SCN1A: variants seen among roughly 807,000 people sequenced by gnomAD.
SCN1A encodes sodium channel protein type 1 subunit alpha.
In SCN1A, 13 loss-of-function variants were observed where a neutral mutation model predicts 193.7. The observed-to-expected ratio is 0.07, with a 90% CI of 0.04 to 0.11. SCN1A has a LOEUF of 0.11. Among genes scored for constraint, SCN1A ranks in the 10% least tolerant of loss-of-function variants. SCN1A has a pLI of 1.00. For missense variants in SCN1A, 1,432 were observed against 2,451.1 expected, an observed-to-expected ratio of 0.58 and a Z score of 8.78; for synonymous variants, 781 against 843.6, an observed-to-expected ratio of 0.93 and a Z score of 1.29.
chr2:166,103,057 T>A (rs190970551), intron 2 of SCN1A, among the ~76,000 whole-genome samples: 1 of 146,020 alleles, frequency 6.8e-6, no homozygotes, highest in Non-Finnish European at 1.5e-5. Flanking sequence ...AGCCTGACTT[T>A]AGATTTGGGA....
chr2:165,991,643 C>G lies in SCN1A; in HGVS notation c.5632G>C (p.Glu1878Gln), dbSNP rs148703212. Residue 1878 changes from glutamate to glutamine, a missense_variant, in exon 29 of 29, where the codon GAG (glutamate) becomes CAG (glutamine). Coordinates refer to ENST00000674923, the MANE Select transcript of SCN1A (RefSeq NM_001165963.4). The stretch of plus-strand genomic sequence containing the variant: ...CGTAGAGCATCCATCTCTCCACTCT[C>G]TCCTAGAACCCGCTTTGTAAAAGCA... ...LFAFTKRVLG[E>Q]SGEMDALRIQ... The G allele has an allele frequency of 5.8e-5, 94 of 1,613,848 alleles. No individual in the cohort carries two copies. The highest frequency in any genetic ancestry group is 8.0e-5 in the Non-Finnish European group (94 of 1,179,942).
chr2:166,073,719 T>A, intron 3 of SCN1A, 49 bp from the exon 4 acceptor site: 1 of 1,269,164 alleles, frequency 7.9e-7, no homozygotes, highest in Non-Finnish European at 1.1e-6. Flanking sequence ...TAAGAGATGT[T>A]AATATAAATA....
In SCN1A at chr2:165,989,714, G is replaced by A. The variant is rs961461886; in HGVS notation, c.*1531C>T. 3.3e-4 allele frequency: 50 copies of A among 152,454 alleles called. No individual in the cohort carries two copies. Among genetic ancestry groups the A allele is most frequent in the Non-Finnish European group, 1.5e-5 (1 of 68,006 alleles). 9.4% of individuals were successfully genotyped at this position (152,454 alleles called of 1,614,324 possible). A position where few individuals can be genotyped will look rare whatever the true frequency, so the allele number is the denominator to read the frequency against. On this transcript the variant is annotated 3_prime_UTR_variant, in exon 29 of 29. Coordinates refer to ENST00000674923, the MANE Select transcript of SCN1A (RefSeq NM_001165963.4). ...AATTTCTTTCATGAAAAAGTACTAT[G>A]GACAGAAAGTAAGAAAAGTGATTGT... is the stretch of plus-strand genomic sequence containing the variant.
intron 13 of SCN1A, among the ~76,000 whole-genome samples, chr2:166,044,440 T>A (rs1697552528): frequency 2.0e-5 from 3 of 152,190 alleles, no homozygotes; most frequent in Non-Finnish European, 2.9e-5. Flanking sequence ...TTTTTATGGA[T>A]CTTGTCTTTC....
chr2:166,089,557 C>CT lies in SCN1A; in HGVS notation c.-141-11757dup, dbSNP rs553642066. On this transcript the variant is annotated intron_variant, in intron 2 of 28. Coordinates refer to ENST00000674923, the MANE Select transcript of SCN1A (RefSeq NM_001165963.4). ...CAATCAGAGAGAGGGCGTAAGAGTT[C>CT]TTTTTTTGGTTGACTAGGTAGGGGA... Among the ~76,000 whole-genome samples, 698 of 151,868 alleles carry CT rather than the reference C, an allele frequency of 4.6e-3. 4 individuals carry two copies. The highest frequency in any genetic ancestry group is 7.8e-3 in the Non-Finnish European group (527 of 67,954).
chr2:166,098,627 A>G (rs556649298), intron 2 of SCN1A, among the ~76,000 whole-genome samples: 2 of 152,296 alleles, frequency 1.3e-5, no homozygotes, highest in East Asian at 1.9e-4. Flanking sequence ...TCTCTTCCCA[A>G]AGGCTCCTAG....
At chr2:166,145,176 G>C (rs1169838857) in intron 1 of SCN1A, among the ~76,000 whole-genome samples, 2 of 20,802 alleles carry the variant, frequency 9.6e-5, no homozygotes. Context: ...TTTTTTTTGT[G>C]GGGGACAGAG....
intron 2 of SCN1A, among the ~76,000 whole-genome samples, chr2:166,078,624 C>T (rs1199414715): frequency 6.6e-6 from 1 of 151,516 alleles, no homozygotes; most frequent in African/African-American, 2.4e-5. Context: ...TTTTTAAAAG[C>T]TTTGAATAAA....
chr2:166,045,622 A>T (rs1697745569), intron 12 of SCN1A, among the ~76,000 whole-genome samples: 1 of 152,146 alleles, frequency 6.6e-6, no homozygotes, highest in Admixed American at 6.6e-5. Context: ...TAAATTCATT[A>T]CTTTTTGGGA....
intron 15 of SCN1A, 28 bp from the exon 16 acceptor site, chr2:166,041,497 C>T (rs1033536931): frequency 1.6e-6 from 2 of 1,280,032 alleles, no homozygotes; most frequent in Non-Finnish European, 2.2e-6. Context: ...AAAAAAAGAA[C>T]CACCAAAAGG....
chr2:166,003,524 C>CT (rs1301777641), intron 23 of SCN1A, among the ~76,000 whole-genome samples: 2,640 of 146,082 alleles, frequency 0.018, 72 homozygotes, highest in African/African-American at 0.058. Flanking sequence ...TTATTATCTA[C>CT]TTTTTTTTTT....
At chr2:166,098,208 G>C (rs977732918) in intron 2 of SCN1A, among the ~76,000 whole-genome samples, 5 of 152,088 alleles carry the variant, frequency 3.3e-5, no homozygotes, top group African/African-American at 1.2e-4. Flanking sequence ...TGCAAGGTTG[G>C]TTCAACATAT....
intron 2 of SCN1A, among the ~76,000 whole-genome samples, chr2:166,102,299 A>ATC (rs1396059705): frequency 6.6e-5 from 10 of 152,188 alleles, no homozygotes; most frequent in Middle Eastern, 3.4e-3. Flanking sequence ...TATCGAGACC[A>ATC]TCCTGACTAA....
At chr2:166,105,223 T>G (rs950641481) in intron 2 of SCN1A, among the ~76,000 whole-genome samples, 17 of 152,322 alleles carry the variant, frequency 1.1e-4, no homozygotes, top group Middle Eastern at 3.4e-3. Context: ...AAAGAATCAT[T>G]CATAAAAGTT....
rs121918805 is a variant in SCN1A at position 166,002,660 on chromosome 2, C to T, written c.4096G>A (p.Val1366Ile). 6.9e-5 allele frequency: 112 copies of T among 1,611,840 alleles called. No homozygotes were observed. The highest frequency in any genetic ancestry group is 1.7e-4 in the Middle Eastern group (1 of 6,046). ...TAGAATTTGCCAGCAAACAAATTTACGCCCATGATGCTGAAAATTAGCCAG... is the reference window on the plus strand; with the variant it reads ...TAGAATTTGCCAGCAAACAAATTTATGCCCATGATGCTGAAAATTAGCCAG... ...IFWLIFSIMG[V>I]NLFAGKFYHC... The change falls in exon 24 of 29, where the codon GTA becomes ATA. Residue 1366 changes from valine (V) to isoleucine (I), a missense_variant. This residue lies in a region of SCN1A where 107 missense variants were observed against 259.4 expected (regional missense o/e 0.41). Coordinates refer to ENST00000674923, the MANE Select transcript of SCN1A (RefSeq NM_001165963.4).
intron 2 of SCN1A, among the ~76,000 whole-genome samples, chr2:166,106,603 G>A (rs557322908): frequency 9.9e-5 from 15 of 152,194 alleles, no homozygotes; most frequent in South Asian, 8.3e-4. Flanking sequence ...GGCAGTGTGC[G>A]GTGTCAGTGC....
At chr2:166,115,131 G>T (rs1689710001) in intron 2 of SCN1A, among the ~76,000 whole-genome samples, 1 of 152,132 alleles carries the variant, frequency 6.6e-6, no homozygotes, top group Admixed American at 6.6e-5. Context: ...GTCGAAACAG[G>T]TGGATCACCT....
At chr2:165,994,534 T>G in intron 27 of SCN1A, 118 bp from the exon 28 acceptor site, 2 of 860,834 alleles carry the variant, frequency 2.3e-6, no homozygotes, top group Non-Finnish European at 1.8e-6. Context: ...TTGGCCCTGA[T>G]TTTTGTAAGA....
In SCN1A at chr2:166,115,085, G is replaced by C. The variant is rs1008273040; in HGVS notation, c.-142+11839C>G. Among the ~76,000 whole-genome samples the C allele has an allele frequency of 2.6e-5, 4 of 152,080 alleles. No homozygotes were observed. The South Asian group carries it at 8.3e-4, about 32-fold the overall frequency. ...AAGACCAAAGAATGCCTCAAAATGA[G>C]CTAGGCACGGTAGCTCACGCCTGTA... On this transcript the variant is annotated intron_variant, in intron 2 of 28. Coordinates refer to ENST00000674923, the MANE Select transcript of SCN1A (RefSeq NM_001165963.4).
Sources: allele counts gnomAD v4.1 joint callset (sites outside exome capture counted in the v4.1 genomes callset), GRCh38; gene constraint gnomAD v4.1.1; regional missense constraint gnomAD v4.1.1; transcripts MANE v1.5; gene names NCBI Gene and HGNC (gene_info 2026-07-23, HGNC 2026-07-21).